The following TRAPPC6B variants were observed in gnomAD, a reference collection of about 807,000 sequenced individuals.
TRAPPC6B encodes the protein trafficking protein particle complex subunit 6B.
In TRAPPC6B, 27 loss-of-function variants were observed where a neutral mutation model predicts 24.7. That is an observed-to-expected ratio of 1.09 (90% CI 0.81 to 1.51). TRAPPC6B has a LOEUF of 1.51. Ranked by LOEUF, TRAPPC6B falls within the 40% of genes most tolerant of loss-of-function variation. The pLI, the probability that TRAPPC6B is intolerant of heterozygous loss-of-function variation, is 0.00. For missense variants in TRAPPC6B, 212 were observed against 190.8 expected (o/e 1.11, Z -0.66); for synonymous variants, 80 against 66.6 (o/e 1.20, Z -0.98).
chr14:39,169,043 C>T (rs1010994173), intron 1 of TRAPPC6B, among the ~76,000 whole-genome samples: 1 of 152,108 alleles, frequency 6.6e-6, no homozygotes, highest in African/African-American at 2.4e-5. Flanking sequence ...TATTTAAATC[C>T]ACCACTCTTT....
chr14:39,170,062 T>C lies in TRAPPC6B; in HGVS notation c.34A>G (p.Asn12Asp), dbSNP rs2053152565. The part of the protein sequence containing the change: ...ADEALFLLLH[N>D]EMVSGVYKSA... Reference sequence around the variant, plus strand: ...TTGTACACTCCAGACACCATCTCGTTATGGAGAAGCAAAAACAACGCCTCA... The same window carrying C: ...TTGTACACTCCAGACACCATCTCGTCATGGAGAAGCAAAAACAACGCCTCA... Residue 12 changes from asparagine to aspartate, a missense_variant, in exon 1 of 6, where the codon AAC becomes GAC. Asn to Asp is a conservative substitution (Grantham distance 23, BLOSUM62 1). Coordinates refer to ENST00000330149, the MANE Select transcript of TRAPPC6B (RefSeq NM_001079537.2). The C allele has an allele frequency of 6.2e-7, 1 of 1,614,064 alleles. No individual in the cohort carries two copies. The highest frequency in any genetic ancestry group is 8.5e-7 in the Non-Finnish European group (1 of 1,179,996).
intron 1 of TRAPPC6B, among the ~76,000 whole-genome samples, chr14:39,167,970 T>C (rs1330552333): frequency 6.6e-6 from 1 of 151,968 alleles, no homozygotes; most frequent in Non-Finnish European, 1.5e-5. Context: ...TCCCAGCACT[T>C]TGGGAGGCCA....
chr14:39,167,037 T>C (rs1364629334), intron 1 of TRAPPC6B, among the ~76,000 whole-genome samples: 2 of 152,228 alleles, frequency 1.3e-5, no homozygotes, highest in Non-Finnish European at 2.9e-5. Context: ...AAGAACCCAC[T>C]GGGCAGTTAC....
At chr14:39,166,684 G>A (rs574291869) in intron 1 of TRAPPC6B, among the ~76,000 whole-genome samples, 27 of 152,282 alleles carry the variant, frequency 1.8e-4, no homozygotes, top group Non-Finnish European at 3.2e-4. Context: ...TATTCTGGAA[G>A]TCACAGATTT....
In TRAPPC6B at chr14:39,152,259, T is replaced by C. The variant is rs545945570; in HGVS notation, c.352-420A>G. ...CCTCCCCTGGTTATTGCCTATTCTT[T>C]GAGCTTATCAATTTTGTTAGCTTAC... On this transcript the variant is annotated intron_variant, in intron 4 of 5. Coordinates refer to ENST00000330149, the MANE Select transcript of TRAPPC6B (RefSeq NM_001079537.2). Among the ~76,000 whole-genome samples, 3 of 152,338 alleles carry C rather than the reference T, an allele frequency of 2.0e-5. No homozygotes were observed. In the South Asian group the frequency reaches 6.2e-4, roughly 32 times the overall value.
intron 1 of TRAPPC6B, among the ~76,000 whole-genome samples, chr14:39,161,454 C>A (rs2053057947): frequency 6.6e-6 from 1 of 152,160 alleles, no homozygotes; most frequent in Admixed American, 6.5e-5. Context: ...TCACTGAGGT[C>A]TATGAACAGT....
At chr14:39,153,499 C>T (rs1325888647) in intron 4 of TRAPPC6B, among the ~76,000 whole-genome samples, 2 of 150,742 alleles carry the variant, frequency 1.3e-5, no homozygotes, top group Non-Finnish European at 3.0e-5. Flanking sequence ...GCATGGTGGC[C>T]CACACCTGCA....
chr14:39,164,275 G>A (rs2053086472), intron 1 of TRAPPC6B, among the ~76,000 whole-genome samples: 1 of 152,170 alleles, frequency 6.6e-6, no homozygotes, highest in Non-Finnish European at 1.5e-5. Flanking sequence ...CGGATTACCT[G>A]AGGTCAGGAG....
intron 1 of TRAPPC6B, among the ~76,000 whole-genome samples, chr14:39,166,822 A>G (rs1446607869): frequency 1.5e-5 from 2 of 137,314 alleles, no homozygotes; most frequent in African/African-American, 2.5e-5. Context: ...CCACCTCTGT[A>G]ACTGCATCCC....
intron 1 of TRAPPC6B, among the ~76,000 whole-genome samples, chr14:39,162,268 C>A (rs972457746): frequency 6.6e-6 from 1 of 152,038 alleles, no homozygotes; most frequent in African/African-American, 2.4e-5. Context: ...TCAAGCAATC[C>A]TCCCACCTCA....
In TRAPPC6B at chr14:39,150,201, A is replaced by C. The variant is rs1375630181; in HGVS notation, c.*149T>G. On this transcript the variant is annotated 3_prime_UTR_variant, in exon 6 of 6. Coordinates refer to ENST00000330149, the MANE Select transcript of TRAPPC6B (RefSeq NM_001079537.2). The stretch of plus-strand genomic sequence containing the variant: ...GTATGTCATGGCAGAATGTCCCTTC[A>C]TCTCCTTTGATCTGTGTTAAATTGA... 3 of 655,420 alleles carry C rather than the reference A, an allele frequency of 4.6e-6. No homozygotes were observed. The highest frequency in any genetic ancestry group is 7.5e-6 in the Non-Finnish European group (3 of 401,298). The allele number at this position is 655,420 out of a possible 1,614,324, so 40.6% of individuals were successfully genotyped here.
chr14:39,155,230 AATTTTT>A (rs562243574), intron 3 of TRAPPC6B, among the ~76,000 whole-genome samples: 192 of 151,942 alleles, frequency 1.3e-3, no homozygotes, highest in African/African-American at 4.4e-3. Flanking sequence ...CACCCGACCT[AATTTTT>A]ATTTTTATTT....
chr14:39,159,631 A>G, intron 1 of TRAPPC6B, 81 bp from the exon 2 acceptor site: 1 of 1,008,654 alleles, frequency 9.9e-7, no homozygotes, highest in South Asian at 1.7e-5. Flanking sequence ...AAGATTGGTT[A>G]AAAATATTAA....
rs12147991 is a variant in TRAPPC6B, at chr14:39,154,329, T to C, written c.268-35A>G. ...AAATAGAAAAAAAATCCAAAGTCAA[T>C]GTACCTAGCAGTCCTTAAAATTATT... On this transcript the variant is annotated intron_variant, in intron 3 of 5. Coordinates refer to ENST00000330149, the MANE Select transcript of TRAPPC6B (RefSeq NM_001079537.2). 333,105 of 1,308,236 alleles carry C rather than the reference T, an allele frequency of 0.25. 43,509 individuals are homozygous for C. Among genetic ancestry groups the C allele is most frequent in the Middle Eastern group, 0.38 (2,058 of 5,464 alleles). The allele number at this position is 1,308,236 out of a possible 1,614,324, so 81.0% of individuals were successfully genotyped here.
chr14:39,159,656 C>T, intron 1 of TRAPPC6B, 106 bp from the exon 2 acceptor site: 1 of 700,126 alleles, frequency 1.4e-6, no homozygotes, highest in Non-Finnish European at 2.2e-6. Flanking sequence ...AACATTTATA[C>T]TTTTTTCCCT....
At position 39,170,177 on chromosome 14, in the gene TRAPPC6B, C is replaced by T. The variant is rs2053154598; in HGVS notation, c.-82G>A. 3.6e-6 allele frequency: 5 copies of T among 1,401,938 alleles called. No homozygotes were observed. Among genetic ancestry groups the T allele is most frequent in the Non-Finnish European group, 5.0e-6 (5 of 1,003,532 alleles). 86.8% of individuals were successfully genotyped at this position (1,401,938 alleles called of 1,614,324 possible). On this transcript the variant is annotated 5_prime_UTR_variant, in exon 1 of 6. Coordinates refer to ENST00000330149, the MANE Select transcript of TRAPPC6B (RefSeq NM_001079537.2). ...GTTCCAGCTCGCGCCTCAGCGACTT[C>T]GCCGGCGCCGCGGCTCCGTCAGGCC...
intron 1 of TRAPPC6B, among the ~76,000 whole-genome samples, chr14:39,164,042 G>A (rs563837865): frequency 6.3e-5 from 9 of 143,570 alleles, no homozygotes; most frequent in Non-Finnish European, 1.3e-4. Context: ...AAAATTCATC[G>A]TCTCTCTCTA....
At chr14:39,150,688 G>C (rs977269523) in intron 5 of TRAPPC6B, among the ~76,000 whole-genome samples, 8 of 152,114 alleles carry the variant, frequency 5.3e-5, no homozygotes, top group Non-Finnish European at 1.0e-4. Context: ...ACAGGCGTCT[G>C]TCACCACGCC....
intron 2 of TRAPPC6B, chr14:39,159,069 A>G (rs1459951346): frequency 6.6e-6 from 1 of 152,640 alleles, no homozygotes; most frequent in Non-Finnish European, 1.5e-5. Context: ...AAATACTAAA[A>G]AGAACTGATT....
Sources: allele counts gnomAD v4.1 joint callset (sites outside exome capture counted in the v4.1 genomes callset), GRCh38; gene constraint gnomAD v4.1.1; transcripts MANE v1.5; gene names NCBI Gene and HGNC (gene_info 2026-07-23, HGNC 2026-07-21).